MYO3B: variants seen among roughly 807,000 people sequenced by gnomAD.
MYO3B encodes myosin-IIIb.
MYO3B carries 156 observed loss-of-function variants against 174.6 expected under a neutral mutation model. That is an observed-to-expected ratio of 0.89 (90% CI 0.78 to 1.02). The LOEUF (loss-of-function observed/expected upper bound fraction) is 1.02. Among genes scored for constraint, MYO3B ranks in the 50% least tolerant of loss-of-function variants. The pLI is 0.00. For synonymous variants in MYO3B, 563 were observed against 569.1 expected (o/e 0.99, Z 0.15); for missense variants, 1,632 against 1,639.4 (o/e 1.00, Z 0.08).
intron 32 of MYO3B, chr2:170,602,322 T>C (rs899440736): frequency 1.5e-6 from 1 of 680,540 alleles, no homozygotes; most frequent in Non-Finnish European, 2.6e-6. Context: ...CTCAATGTAC[T>C]GCAGTGGCTG....
chr2:170,628,038 A>G (rs558521888), intron 32 of MYO3B, among the ~76,000 whole-genome samples: 1 of 152,044 alleles, frequency 6.6e-6, no homozygotes, highest in East Asian at 1.9e-4. Flanking sequence ...CAGATCTCAA[A>G]CTCTGTGCTG....
chr2:170,298,899 A>T (rs1189469098), intron 7 of MYO3B, among the ~76,000 whole-genome samples: 4 of 152,140 alleles, frequency 2.6e-5, no homozygotes, highest in African/African-American at 9.7e-5. Context: ...ATGTTTAGAT[A>T]CATAAATACT....
intron 30 of MYO3B, among the ~76,000 whole-genome samples, chr2:170,535,390 A>T (rs1028702858): frequency 6.6e-6 from 1 of 152,232 alleles, no homozygotes. Context: ...GTCCATAGAC[A>T]CAAGATAAAT....
chr2:170,533,639 C>A (rs941824914), intron 30 of MYO3B, among the ~76,000 whole-genome samples: 1 of 152,156 alleles, frequency 6.6e-6, no homozygotes, highest in Non-Finnish European at 1.5e-5. Flanking sequence ...AGAAAGGCAG[C>A]CACACAGATA....
intron 8 of MYO3B, among the ~76,000 whole-genome samples, chr2:170,358,780 G>A (rs561223706): frequency 2.0e-5 from 3 of 152,078 alleles, no homozygotes; most frequent in Non-Finnish European, 2.9e-5. Context: ...GAATAGGGAC[G>A]GCCTTCTCCG....
At chr2:170,409,237 G>A (rs930667379) in intron 22 of MYO3B, among the ~76,000 whole-genome samples, 3 of 152,184 alleles carry the variant, frequency 2.0e-5, no homozygotes, top group Non-Finnish European at 2.9e-5. Context: ...ACCACTAGGG[G>A]GCGCTATGCA....
chr2:170,601,665 C>T (rs1358750103), intron 32 of MYO3B: 19 of 1,430,058 alleles, frequency 1.3e-5, no homozygotes, highest in Non-Finnish European at 9.8e-6. Context: ...ATCTTCTGTC[C>T]TCCTCTTCCT....
intron 25 of MYO3B, 22 bp downstream of exon 25, chr2:170,466,733 A>C (rs769078714): frequency 6.8e-6 from 11 of 1,609,678 alleles, no homozygotes; most frequent in Non-Finnish European, 9.3e-6. Context: ...ATCTACGGGA[A>C]TGCATTCTTA....
intron 22 of MYO3B, among the ~76,000 whole-genome samples, chr2:170,427,456 CAT>C (rs1356111308): frequency 2.0e-5 from 3 of 152,144 alleles, no homozygotes; most frequent in East Asian, 3.8e-4. Flanking sequence ...CACCATGAAA[CAT>C]ATAAATTTCA....
intron 32 of MYO3B, among the ~76,000 whole-genome samples, chr2:170,556,196 GAA>G (rs560028726): frequency 1.4e-5 from 2 of 142,554 alleles, no homozygotes; most frequent in Non-Finnish European, 1.5e-5. Context: ...ACTCTGTCTA[GAA>G]AAAAAAAAAA....
At chr2:170,372,632 T>C (rs1009833183) in intron 9 of MYO3B, among the ~76,000 whole-genome samples, 2 of 152,112 alleles carry the variant, frequency 1.3e-5, no homozygotes, top group African/African-American at 4.8e-5. Context: ...TGGTGTGTGA[T>C]AGAGACAAGA....
chr2:170,228,089 A>G (rs2092971610), intron 6 of MYO3B, among the ~76,000 whole-genome samples: 1 of 152,180 alleles, frequency 6.6e-6, no homozygotes, highest in South Asian at 2.1e-4. Flanking sequence ...CCATCTGCTT[A>G]ATGCTTGCGT....
chr2:170,404,215 G>T, intron 19 of MYO3B, 32 bp from the exon 20 acceptor site: 2 of 1,570,774 alleles, frequency 1.3e-6, no homozygotes, highest in Non-Finnish European at 1.7e-6. Flanking sequence ...CTAGTTTTGG[G>T]CTGGAGAGAA....
intron 7 of MYO3B, among the ~76,000 whole-genome samples, chr2:170,243,898 G>A (rs2093162415): frequency 1.3e-5 from 2 of 152,152 alleles, no homozygotes; most frequent in African/African-American, 2.4e-5. Context: ...TCTGCCATTA[G>A]TATCCATTGT....
intron 12 of MYO3B, among the ~76,000 whole-genome samples, chr2:170,385,525 C>G (rs1251221378): frequency 6.6e-6 from 1 of 152,150 alleles, no homozygotes; most frequent in African/African-American, 2.4e-5. Flanking sequence ...ACCACATCCA[C>G]TAATTTCCTT....
intron 32 of MYO3B, among the ~76,000 whole-genome samples, chr2:170,551,606 G>C (rs1186473857): frequency 6.9e-6 from 1 of 145,810 alleles, no homozygotes; most frequent in Non-Finnish European, 1.5e-5. Context: ...ACAGTTTGAG[G>C]CTTGTGGGCA....
chr2:170,439,452 A>T (rs1364495082), intron 22 of MYO3B, among the ~76,000 whole-genome samples: 1 of 152,062 alleles, frequency 6.6e-6, no homozygotes, highest in African/African-American at 2.4e-5. Context: ...TATATTTTAC[A>T]CATTAATCCT....
intron 7 of MYO3B, among the ~76,000 whole-genome samples, chr2:170,328,401 T>TAA (rs1559390664): frequency 5.9e-5 from 9 of 151,804 alleles, no homozygotes; most frequent in African/African-American, 2.2e-4. Flanking sequence ...CCACAGAGCA[T>TAA]TATTCATAAT....
chr2:170,221,794 T>C (rs924787174), intron 6 of MYO3B, among the ~76,000 whole-genome samples: 1 of 152,172 alleles, frequency 6.6e-6, no homozygotes, highest in Non-Finnish European at 1.5e-5. Flanking sequence ...CTCCAACTCC[T>C]AAGCTCAAGC....
Sources: gnomAD v4.1 joint callset for allele counts (sites outside exome capture counted in the v4.1 genomes callset) on GRCh38, gnomAD v4.1.1 for gene constraint, MANE v1.5 for transcripts, NCBI Gene and HGNC (gene_info 2026-07-23, HGNC 2026-07-21) for gene names.